Variants in MTUS2 observed in about 807,000 individuals in gnomAD.
MTUS2 encodes microtubule-associated tumor suppressor candidate 2.
A neutral mutation model predicts 114.1 loss-of-function variants in MTUS2; 40 were observed. The ratio of observed to expected loss-of-function variants is 0.35; its 90% CI spans 0.27 to 0.46. The LOEUF (loss-of-function observed/expected upper bound fraction) is 0.46, where lower values mean the gene tolerates loss of function less well. Among genes scored for constraint, MTUS2 ranks in the 20% least tolerant of loss-of-function variants. The probability of loss-of-function intolerance (pLI) is 1.00; values close to 1 mark genes in which losing one functional copy is unlikely to be tolerated. For missense variants in MTUS2, 1,679 were observed against 1,705.4 expected (o/e 0.98, Z 0.27); for synonymous variants, 688 against 672.0 (o/e 1.02, Z -0.37).
At chr13:28,879,067 C>T (rs932411353) in intron 2 of MTUS2, among the ~76,000 whole-genome samples, 1 of 152,294 alleles carries the variant, frequency 6.6e-6, no homozygotes. Context: ...ATTTGCATTT[C>T]TCTGGTGATC....
In MTUS2 at chr13:29,359,491, G is replaced by A; in HGVS notation, c.3117+18G>A. The A allele has an allele frequency of 6.3e-7, 1 of 1,598,638 alleles. No individual in the cohort carries two copies. Among genetic ancestry groups the A allele is most frequent in the African/African-American group, 1.3e-5 (1 of 74,744 alleles). ...TTAGAAAGGTGAGGCCCCATTTCGTGAAGGTCCAAGGGCATTTTGGTTGGA... is the reference window on the plus strand; with the variant it reads ...TTAGAAAGGTGAGGCCCCATTTCGTAAAGGTCCAAGGGCATTTTGGTTGGA... On this transcript the variant is annotated intron_variant, in intron 8 of 15. Coordinates refer to ENST00000612955, the MANE Select transcript of MTUS2 (RefSeq NM_001033602.4).
intron 7 of MTUS2, among the ~76,000 whole-genome samples, chr13:29,333,741 G>A (rs985254190): frequency 2.0e-5 from 3 of 152,098 alleles, no homozygotes; most frequent in East Asian, 1.9e-4. Context: ...CTGAATATCC[G>A]TGTTAATTTT....
At chr13:29,074,911 A>G (rs1226884743) in intron 4 of MTUS2, among the ~76,000 whole-genome samples, 2 of 152,208 alleles carry the variant, frequency 1.3e-5, no homozygotes, top group African/African-American at 4.8e-5. Context: ...AAATTCAAAT[A>G]TTTTAATCCT....
At chr13:29,364,126 CA>C (rs1870507120) in intron 8 of MTUS2, among the ~76,000 whole-genome samples, 1 of 152,154 alleles carries the variant, frequency 6.6e-6, no homozygotes, top group Non-Finnish European at 1.5e-5. Context: ...GGGAAACGCA[CA>C]ATTGCAAAAC....
intron 3 of MTUS2, among the ~76,000 whole-genome samples, chr13:29,028,224 G>A (rs755288976): frequency 9.2e-5 from 14 of 152,184 alleles, no homozygotes; most frequent in Non-Finnish European, 1.3e-4. Flanking sequence ...GGTGGCATGT[G>A]CCTGTAGTCC....
At position 28,923,424 on chromosome 13, in the gene MTUS2, A is replaced by G. The variant is rs555393436; in HGVS notation, c.-243+83574A>G. ...CCATTTTAGAAGGCAGTCACCCTGTATAAGTTTAGTATGCAGGACCTGGCC... is the reference window on the plus strand; with the variant it reads ...CCATTTTAGAAGGCAGTCACCCTGTGTAAGTTTAGTATGCAGGACCTGGCC... On this transcript the variant is annotated intron_variant, in intron 2 of 15. Coordinates refer to ENST00000612955, the MANE Select transcript of MTUS2 (RefSeq NM_001033602.4). Among the ~76,000 whole-genome samples the G allele has an allele frequency of 1.3e-4, 20 of 152,324 alleles. No individual in the cohort carries two copies. The South Asian group carries it at 3.7e-3, about 28-fold the overall frequency.
chr13:29,019,354 T>C (rs1886201096), intron 2 of MTUS2, among the ~76,000 whole-genome samples: 1 of 152,176 alleles, frequency 6.6e-6, no homozygotes, highest in Admixed American at 6.5e-5. Context: ...TTGGTGTCGA[T>C]GAATGACACC....
At chr13:29,455,603 C>G (rs527352016) in intron 9 of MTUS2, among the ~76,000 whole-genome samples, 11 of 152,202 alleles carry the variant, frequency 7.2e-5, no homozygotes, top group South Asian at 4.1e-4. Context: ...TGCAATACAT[C>G]ATCCACAATG....
chr13:29,091,349 T>C (rs1434868651), intron 4 of MTUS2, among the ~76,000 whole-genome samples: 1 of 152,128 alleles, frequency 6.6e-6, no homozygotes, highest in African/African-American at 2.4e-5. Context: ...AAGGGTGCCA[T>C]GGGTGTTTTT....
rs545038730 is a variant in MTUS2, at chr13:28,945,158, T to C, written c.-242-79299T>C. On this transcript the variant is annotated intron_variant, in intron 2 of 15. Coordinates refer to ENST00000612955, the MANE Select transcript of MTUS2 (RefSeq NM_001033602.4). ...TGTAAAAGACATGATTCGTTGTTTTTTATGGATGAGTAGTATTCCATTATA... is the reference window on the plus strand; with the variant it reads ...TGTAAAAGACATGATTCGTTGTTTTCTATGGATGAGTAGTATTCCATTATA... 1.8e-3 allele frequency among the ~76,000 whole-genome samples: 268 copies of C among 147,916 alleles called. 1 individual carries two copies. The highest frequency in any genetic ancestry group is 6.3e-3 in the African/African-American group (253 of 40,420).
chr13:29,218,207 T>C (rs924645655), intron 5 of MTUS2, among the ~76,000 whole-genome samples: 1 of 152,124 alleles, frequency 6.6e-6, no homozygotes, highest in Non-Finnish European at 1.5e-5. Context: ...GGAGTAGATA[T>C]TCAATTTCAT....
At chr13:29,267,435 T>C (rs2139487091) in intron 5 of MTUS2, among the ~76,000 whole-genome samples, 1 of 152,318 alleles carries the variant, frequency 6.6e-6, no homozygotes, top group South Asian at 2.1e-4. Context: ...TGTCTGGACT[T>C]GTTTGTGGCC....
At chr13:29,095,904 C>T (rs1890159137) in intron 4 of MTUS2, among the ~76,000 whole-genome samples, 1 of 151,598 alleles carries the variant, frequency 6.6e-6, no homozygotes, top group South Asian at 2.1e-4. Context: ...GCATAGTTTC[C>T]TTAGTTATTT....
At chr13:29,252,852 C>G (rs979468340) in intron 5 of MTUS2, among the ~76,000 whole-genome samples, 1 of 152,038 alleles carries the variant, frequency 6.6e-6, no homozygotes, top group African/African-American at 2.4e-5. Context: ...TGCCTTTCGC[C>G]TTTTGCCATG....
chr13:29,382,741 A>G (rs4556652), intron 8 of MTUS2, among the ~76,000 whole-genome samples: 115,755 of 152,184 alleles, frequency 0.76, 44,182 homozygotes, highest in Admixed American at 0.83. Flanking sequence ...TTCTGCCTTC[A>G]TGTAAGACAC....
intron 6 of MTUS2, among the ~76,000 whole-genome samples, chr13:29,303,850 A>T (rs1395326734): frequency 6.6e-6 from 1 of 152,110 alleles, no homozygotes; most frequent in Admixed American, 6.6e-5. Flanking sequence ...ATTCTCCAAG[A>T]TTAAATGAAA....
In MTUS2 at chr13:29,397,484, G is replaced by A. The variant is rs75711588; in HGVS notation, c.3117+38011G>A. Among the ~76,000 whole-genome samples the A allele has an allele frequency of 9.2e-3, 1,402 of 152,250 alleles. 19 individuals carry two copies. Among genetic ancestry groups the A allele is most frequent in the African/African-American group, 0.032 (1,319 of 41,538 alleles). On this transcript the variant is annotated intron_variant, in intron 8 of 15. Coordinates refer to ENST00000612955, the MANE Select transcript of MTUS2 (RefSeq NM_001033602.4). ...GAGTCTCCAGACCAGCAGCATTGGC[G>A]ATGTCTGGGAACGTTTTGGAAATGC...
intron 5 of MTUS2, among the ~76,000 whole-genome samples, chr13:29,244,006 A>G (rs1896821321): frequency 6.6e-6 from 1 of 152,258 alleles, no homozygotes. Flanking sequence ...AGGGGTGAAC[A>G]TGAGTATGTT....
intron 8 of MTUS2, among the ~76,000 whole-genome samples, chr13:29,371,221 C>G (rs528635497): frequency 3.1e-5 from 4 of 130,166 alleles, no homozygotes; most frequent in African/African-American, 1.4e-4. Context: ...ATTAACCACC[C>G]CCCCCCCCTT....
Sources: gnomAD v4.1 joint callset for allele counts (sites outside exome capture counted in the v4.1 genomes callset) on GRCh38, gnomAD v4.1.1 for gene constraint, MANE v1.5 for transcripts, NCBI Gene and HGNC (gene_info 2026-07-23, HGNC 2026-07-21) for gene names.